Variants in KCNMB3 observed in about 807,000 individuals in gnomAD.
KCNMB3 encodes calcium-activated potassium channel subunit beta-3.
A neutral mutation model predicts 11.9 loss-of-function variants in KCNMB3; 18 were observed. The observed-to-expected ratio is 1.51, with a 90% CI of 1.04 to 2.23. KCNMB3 has a LOEUF of 2.23. KCNMB3 is among the 30% of genes most tolerant of loss of function. The pLI is 0.00. For synonymous variants in KCNMB3, 78 were observed against 119.2 expected, an observed-to-expected ratio of 0.65 and a Z score of 2.25; for missense variants, 247 against 329.4, an observed-to-expected ratio of 0.75 and a Z score of 1.94.
chr3:179,253,586 A>G (rs1377493319), upstream of KCNMB3, among the ~76,000 whole-genome samples: 1 of 152,178 alleles, frequency 6.6e-6, no homozygotes, highest in African/African-American at 2.4e-5. Context: ...TGGGCAGATC[A>G]CCTGAGCTCA....
intron 1 of KCNMB3, 27 bp from the exon 2 acceptor site, chr3:179,244,720 C>G: frequency 6.3e-7 from 1 of 1,575,190 alleles, no homozygotes; most frequent in Non-Finnish European, 8.7e-7. Flanking sequence ...AAAAAATGTT[C>G]TTCACTTATT....
chr3:179,244,202 C>T (rs1225588934), intron 2 of KCNMB3, among the ~76,000 whole-genome samples: 8 of 152,030 alleles, frequency 5.3e-5, no homozygotes, highest in East Asian at 1.9e-4. Context: ...TGTCATATGG[C>T]GCGGAGTGGA....
chr3:179,244,453 G>A (rs772136256), intron 2 of KCNMB3, 42 bp downstream of exon 2: 3 of 1,529,832 alleles, frequency 2.0e-6, no homozygotes, highest in Non-Finnish European at 2.7e-6. Context: ...AGTCTGGCAG[G>A]GAAGGGTTGC....
chr3:179,244,422 T>C, intron 2 of KCNMB3, 73 bp downstream of exon 2: 3 of 1,260,908 alleles, frequency 2.4e-6, no homozygotes, highest in Non-Finnish European at 2.3e-6. Context: ...CCCTGGGTTA[T>C]TTATGTACCC....
At position 179,262,286 on chromosome 3, in the gene KCNMB3, C is replaced by T. The variant is rs576464762; in HGVS notation, c.62+4363G>A. Among the ~76,000 whole-genome samples the T allele has an allele frequency of 4.6e-4, 70 of 152,312 alleles. 1 individual carries two copies. Among genetic ancestry groups the T allele is most frequent in the Non-Finnish European group, 7.8e-4 (53 of 68,026 alleles). ...AAGCATGTATGGAACATTTATGAAA[C>T]TGTGTCCGGAATTGGTGGGTTCTTG... is the stretch of plus-strand genomic sequence containing the variant. On this transcript the variant is annotated intron_variant, in intron 1 of 3. Transcript: ENST00000349697.
At position 179,258,836 on chromosome 3, in the gene KCNMB3, A is replaced by G. The variant is rs150177625; in HGVS notation, c.62+7813T>C. ...AATATGTCTTTCTAATCTGGGTGAT[A>G]ACCTCAATGATTACATGGAAATCTA... On this transcript the variant is annotated intron_variant, in intron 1 of 3. Coordinates refer to the KCNMB3 transcript ENST00000349697. 2.0e-4 allele frequency: 297 copies of G among 1,482,054 alleles called. 2 individuals are homozygous for G. The African/African-American group carries it at 3.5e-3, about 17-fold the overall frequency. 91.8% of individuals were successfully genotyped at this position (1,482,054 alleles called of 1,614,324 possible).
At chr3:179,262,753 C>G (rs1340575756) in intron 1 of KCNMB3, among the ~76,000 whole-genome samples, 1 of 152,170 alleles carries the variant, frequency 6.6e-6, no homozygotes, top group Non-Finnish European at 1.5e-5. Flanking sequence ...CTCCACATCC[C>G]CACTAGATTA....
intron 1 of KCNMB3, among the ~76,000 whole-genome samples, chr3:179,262,432 G>C (rs1187309471): frequency 6.6e-6 from 1 of 152,106 alleles, no homozygotes; most frequent in Non-Finnish European, 1.5e-5. Context: ...GGCTTCAGGA[G>C]TGAAGCTGCA....
At chr3:179,259,142 G>T in intron 1 of KCNMB3, 1 of 1,574,472 alleles carries the variant, frequency 6.4e-7, no homozygotes, top group Non-Finnish European at 8.6e-7. Flanking sequence ...GGTTTTTTAG[G>T]CTATTGCTGT....
chr3:179,263,800 CTTTTTT>C (rs60270913), intron 1 of KCNMB3, among the ~76,000 whole-genome samples: 1 of 59,978 alleles, frequency 1.7e-5, no homozygotes, highest in African/African-American at 7.0e-5. Context: ...TTTTTCTTTT[CTTTTTT>C]TTTTTTTTTT....
intron 1 of KCNMB3, among the ~76,000 whole-genome samples, chr3:179,249,242 T>C (rs1725750347): frequency 6.6e-6 from 1 of 150,576 alleles, no homozygotes; most frequent in African/African-American, 2.4e-5. Context: ...CTCGATCTCC[T>C]GACCTCGTGA....
At chr3:179,261,746 A>G (rs1375651598) in intron 1 of KCNMB3, among the ~76,000 whole-genome samples, 1 of 152,264 alleles carries the variant, frequency 6.6e-6, no homozygotes, top group African/African-American at 2.4e-5. Context: ...CCAGTCTGCC[A>G]CACAATCATG....
upstream of KCNMB3, among the ~76,000 whole-genome samples, chr3:179,254,696 T>C (rs1725955148): frequency 6.6e-6 from 1 of 152,080 alleles, no homozygotes; most frequent in East Asian, 1.9e-4. Flanking sequence ...CCTGTAATTC[T>C]AGCTGCTGCG....
chr3:179,266,521 G>C (rs1726373240), intron 1 of KCNMB3: 1 of 1,033,206 alleles, frequency 9.7e-7, no homozygotes, highest in African/African-American at 1.6e-5. Flanking sequence ...ACCCTGGGAG[G>C]CATGGCAAGT....
At chr3:179,240,211 TTTGAG>T, downstream of KCNMB3, 1 of 566,878 alleles carries the variant, frequency 1.8e-6, no homozygotes, top group South Asian at 2.6e-5. Context: ...TTTAGCTGAA[TTTGAG>T]TTCTTTTCAG....
chr3:179,245,774 CAGGCGTGA>C (rs1725620611), intron 1 of KCNMB3, among the ~76,000 whole-genome samples: 1 of 152,196 alleles, frequency 6.6e-6, no homozygotes, highest in Non-Finnish European at 1.5e-5. Context: ...GCTGGGATTA[CAGGCGTGA>C]GCCACGGCTC....
exon 1 of KCNMB3, chr3:179,266,929 G>A (rs1457162536): frequency 1.4e-6 from 2 of 1,407,796 alleles, no homozygotes; most frequent in Non-Finnish European, 1.8e-6. Context: ...AAGGCGGAGC[G>A]GTCAGTTCTA....
At chr3:179,251,880 C>A (rs1251191300), upstream of KCNMB3, among the ~76,000 whole-genome samples, 1 of 152,132 alleles carries the variant, frequency 6.6e-6, no homozygotes, top group Non-Finnish European at 1.5e-5. Flanking sequence ...GGCCACCATG[C>A]CCAGCTAATT....
chr3:179,242,741 A>G (rs1292392932), downstream of KCNMB3: 2 of 1,127,446 alleles, frequency 1.8e-6, no homozygotes, highest in Admixed American at 6.8e-5. Flanking sequence ...ATTTATAGAA[A>G]TAAATAGAAT....
Sources: gnomAD v4.1 joint callset for allele counts (sites outside exome capture counted in the v4.1 genomes callset) on GRCh38, gnomAD v4.1.1 for gene constraint, MANE v1.5 for transcripts, NCBI Gene and HGNC (gene_info 2026-07-23, HGNC 2026-07-21) for gene names.